PPM1E: variants seen among roughly 807,000 people sequenced by gnomAD.
PPM1E encodes protein phosphatase 1E.
A neutral mutation model predicts 65.9 loss-of-function variants in PPM1E; 20 were observed. The ratio of observed to expected loss-of-function variants is 0.30; its 90% CI spans 0.21 to 0.44. PPM1E has a LOEUF of 0.44. Ranked by LOEUF, PPM1E falls within the 20% of genes least tolerant of loss-of-function variation. The probability of loss-of-function intolerance (pLI) is 1.00; values close to 1 mark genes in which losing one functional copy is unlikely to be tolerated. For synonymous variants in PPM1E, 352 were observed against 374.9 expected (o/e 0.94, Z 0.70); for missense variants, 713 against 953.1 (o/e 0.75, Z 3.32).
intron 1 of PPM1E, among the ~76,000 whole-genome samples, chr17:58,898,995 CTG>C (rs1298674085): frequency 7.4e-6 from 1 of 135,030 alleles, no homozygotes; most frequent in Non-Finnish European, 1.6e-5. Flanking sequence ...ACATCACACA[CTG>C]GGGCCTGTCG....
rs1360014901 is a variant in PPM1E at position 58,984,533 on chromosome 17, T to C, written c.*3502T>C. ...TATAAAAGGGAATACTACAGTTTTGTCCACACTTTAATTTGAGACCATTTT... is the reference window on the plus strand; with the variant it reads ...TATAAAAGGGAATACTACAGTTTTGCCCACACTTTAATTTGAGACCATTTT... On this transcript the variant is annotated 3_prime_UTR_variant, in exon 7 of 7. Coordinates refer to ENST00000308249, the MANE Select transcript of PPM1E (RefSeq NM_014906.5). The C allele has an allele frequency of 6.5e-6, 1 of 152,688 alleles. No homozygotes were observed. The highest frequency in any genetic ancestry group is 1.9e-4 in the East Asian group (1 of 5,192). 9.5% of individuals were successfully genotyped at this position (152,688 alleles called of 1,614,324 possible).
chr17:58,790,418 G>A (rs551759948), intron 1 of PPM1E, among the ~76,000 whole-genome samples: 42 of 152,240 alleles, frequency 2.8e-4, no homozygotes, highest in African/African-American at 1.0e-3. Context: ...TACATGGCCA[G>A]TTATGATGGT....
At chr17:58,820,241 G>A (rs551373742) in intron 1 of PPM1E, among the ~76,000 whole-genome samples, 3 of 152,126 alleles carry the variant, frequency 2.0e-5, no homozygotes, top group African/African-American at 7.2e-5. Context: ...TGGGGACAGA[G>A]TTCCAAACCT....
At chr17:58,955,612 T>G (rs758479801) in intron 1 of PPM1E, 37 bp from the exon 2 acceptor site, 2 of 1,608,126 alleles carry the variant, frequency 1.2e-6, no homozygotes, top group Non-Finnish European at 1.7e-6. Flanking sequence ...TTTCTAATTC[T>G]TTTGCTGAAA....
chr17:58,791,506 T>C (rs1021656255), intron 1 of PPM1E, among the ~76,000 whole-genome samples: 1 of 152,186 alleles, frequency 6.6e-6, no homozygotes, highest in Non-Finnish European at 1.5e-5. Flanking sequence ...GAAGACCTTT[T>C]ATTAGTGTCT....
chr17:58,755,883 G>A lies in PPM1E; in HGVS notation c.-115G>A. 1 of 1,514,014 alleles carries A rather than the reference G, an allele frequency of 6.6e-7. No individual in the cohort carries two copies. Among genetic ancestry groups the A allele is most frequent in the Non-Finnish European group, 8.8e-7 (1 of 1,132,510 alleles). 93.8% of individuals were successfully genotyped at this position (1,514,014 alleles called of 1,614,324 possible). A position where few individuals can be genotyped will look rare whatever the true frequency, so the allele number is the denominator to read the frequency against. On this transcript the variant is annotated 5_prime_UTR_variant, in exon 1 of 7. In the 5' UTR this introduces an upstream ATG that the reference lacks. Transcript: ENST00000308249. ...CCAGGCAACCTAGTGCTGATCGCTC[G>A]TGCCGGTGCGGCCGTTAACCGCCCT...
At chr17:58,773,319 T>G (rs1361011875) in intron 1 of PPM1E, among the ~76,000 whole-genome samples, 1 of 152,140 alleles carries the variant, frequency 6.6e-6, no homozygotes, top group African/African-American at 2.4e-5. Context: ...AGAGAATAAC[T>G]TTTCCGTGTT....
At chr17:58,896,789 G>A (rs1477537970) in intron 1 of PPM1E, among the ~76,000 whole-genome samples, 3 of 152,186 alleles carry the variant, frequency 2.0e-5, no homozygotes, top group African/African-American at 4.8e-5. Flanking sequence ...GACTTTCAAT[G>A]TAGACAAAAC....
chr17:58,894,430 G>A (rs375057782), intron 1 of PPM1E, among the ~76,000 whole-genome samples: 3 of 152,120 alleles, frequency 2.0e-5, no homozygotes, highest in African/African-American at 7.2e-5. Flanking sequence ...GCAAGTGAAT[G>A]ATAGTAAAAC....
Position 58,756,249 on chromosome 17 carries a change from C to A in PPM1E, c.252C>A (p.Asp84Glu). The change falls in exon 1 of 7, where the codon GAC becomes GAA. Residue 84 changes from aspartate (D) to glutamate (E), a missense_variant. By Grantham distance (45) the Asp-to-Glu change is conservative. Transcript: ENST00000308249. ...AATEEGDQEQDPEPEEEAAVE... is the reference protein window; with the variant it reads ...AATEEGDQEQEPEPEEEAAVE... ...CGGAGGAGGGGGACCAGGAGCAAGA[C>A]CCGGAGCCCGAGGAGGAGGCGGCGG... 6.4e-7 allele frequency: 1 copy of A among 1,550,884 alleles called. No individual in the cohort carries two copies. The highest frequency in any genetic ancestry group is 8.7e-7 in the Non-Finnish European group (1 of 1,146,900).
intron 1 of PPM1E, among the ~76,000 whole-genome samples, chr17:58,921,122 A>T (rs2051744882): frequency 6.6e-6 from 1 of 152,240 alleles, no homozygotes; most frequent in Admixed American, 6.5e-5. Context: ...GCAGTTTCAG[A>T]AAAGCACTGA....
chr17:58,901,081 C>G (rs1315941528), intron 1 of PPM1E, among the ~76,000 whole-genome samples: 2 of 152,166 alleles, frequency 1.3e-5, no homozygotes, highest in Non-Finnish European at 2.9e-5. Context: ...GCTTTTACCA[C>G]CACATCATGC....
At chr17:58,957,605 C>T (rs755665526) in intron 2 of PPM1E, among the ~76,000 whole-genome samples, 113 of 152,170 alleles carry the variant, frequency 7.4e-4, no homozygotes, top group Non-Finnish European at 1.2e-3. Flanking sequence ...TTGTGTTTAT[C>T]CATACATCAG....
chr17:58,869,782 G>A (rs1360749435), intron 1 of PPM1E, among the ~76,000 whole-genome samples: 1 of 152,174 alleles, frequency 6.6e-6, no homozygotes, highest in South Asian at 2.1e-4. Context: ...TAAGGGGATA[G>A]CATCTAGTAA....
Position 58,873,286 on chromosome 17 carries a change from G to T in PPM1E, c.465-82363G>T, listed in dbSNP as rs551296488. On this transcript the variant is annotated intron_variant, in intron 1 of 6. Coordinates refer to ENST00000308249, the MANE Select transcript of PPM1E (RefSeq NM_014906.5). ...GGCAAATATTTTATTGCACTATTTA[G>T]TTCTGTATTATACTATCAACATTAC... is the stretch of plus-strand genomic sequence containing the variant. Among the ~76,000 whole-genome samples the T allele has an allele frequency of 1.4e-4, 21 of 152,134 alleles. No individual in the cohort carries two copies. In the South Asian group the frequency reaches 1.9e-3, roughly 14 times the overall value.
At chr17:58,965,049 TAAAA>T (rs57005125) in intron 2 of PPM1E, among the ~76,000 whole-genome samples, 2 of 141,096 alleles carry the variant, frequency 1.4e-5, no homozygotes, top group Admixed American at 1.4e-4. Flanking sequence ...CCGTCTTAAT[TAAAA>T]AAAAAAAAAA....
At chr17:58,756,809 G>A (rs1182871498) in intron 1 of PPM1E, among the ~76,000 whole-genome samples, 1 of 152,148 alleles carries the variant, frequency 6.6e-6, no homozygotes, top group African/African-American at 2.4e-5. Context: ...TTTCCTGCCT[G>A]GAAAGGTCCT....
chr17:58,925,955 G>A (rs1567876899), intron 1 of PPM1E, among the ~76,000 whole-genome samples: 4 of 152,286 alleles, frequency 2.6e-5, no homozygotes, highest in South Asian at 4.1e-4. Context: ...CATCAACAGT[G>A]TATGGATGTC....
chr17:58,958,704 G>A (rs1313540577), intron 2 of PPM1E, among the ~76,000 whole-genome samples: 1 of 151,864 alleles, frequency 6.6e-6, no homozygotes. Context: ...AAAGGCCATG[G>A]AGTAGGTGAC....
Sources: allele counts gnomAD v4.1 joint callset (sites outside exome capture counted in the v4.1 genomes callset), GRCh38; gene constraint gnomAD v4.1.1; transcripts MANE v1.5; gene names NCBI Gene and HGNC (gene_info 2026-07-23, HGNC 2026-07-21).